CNTN5: variants seen among roughly 807,000 people sequenced by gnomAD.
CNTN5 encodes the protein contactin 5.
CNTN5 carries 77 observed loss-of-function variants against 129.1 expected under a neutral mutation model. That is an observed-to-expected ratio of 0.60 (90% confidence interval 0.50 to 0.72). The LOEUF (loss-of-function observed/expected upper bound fraction) is 0.72, where lower values mean the gene tolerates loss of function less well. Ranked by LOEUF, CNTN5 falls within the 30% of genes least tolerant of loss-of-function variation. The pLI is 0.00. For synonymous variants in CNTN5, 509 were observed against 465.6 expected, an observed-to-expected ratio of 1.09 and a Z score of -1.20; for missense variants, 1,478 against 1,328.8, an observed-to-expected ratio of 1.11 and a Z score of -1.75.
chr11:100,280,712 G>A (rs1301162855), intron 18 of CNTN5, among the ~76,000 whole-genome samples: 1 of 151,994 alleles, frequency 6.6e-6, no homozygotes, highest in Non-Finnish European at 1.5e-5. Context: ...ACTTACTCCT[G>A]CCATTTTATT....
chr11:100,038,061 G>C (rs1398169203), intron 9 of CNTN5, among the ~76,000 whole-genome samples: 1 of 139,852 alleles, frequency 7.2e-6, no homozygotes, highest in African/African-American at 2.8e-5. Flanking sequence ...TGTGATGTTA[G>C]GGTGTCAATT....
chr11:99,578,272 A>G (rs2135599189), intron 3 of CNTN5, among the ~76,000 whole-genome samples: 1 of 152,092 alleles, frequency 6.6e-6, no homozygotes, highest in Non-Finnish European at 1.5e-5. Flanking sequence ...TATTGTGACT[A>G]GTGCCACAAT....
chr11:100,154,031 A>G (rs1473210096), intron 13 of CNTN5, among the ~76,000 whole-genome samples: 2 of 151,978 alleles, frequency 1.3e-5, no homozygotes, highest in Non-Finnish European at 2.9e-5. Context: ...ATTACACTGT[A>G]AGTTCTGGGG....
chr11:100,220,831 G>GT (rs1231943057), intron 15 of CNTN5, among the ~76,000 whole-genome samples: 1 of 152,134 alleles, frequency 6.6e-6, no homozygotes, highest in South Asian at 2.1e-4. Flanking sequence ...CTCTTGAGGT[G>GT]TTTTTTCCAC....
intron 4 of CNTN5, among the ~76,000 whole-genome samples, chr11:99,824,097 A>G (rs910354899): frequency 6.6e-6 from 1 of 152,006 alleles, no homozygotes; most frequent in Admixed American, 6.6e-5. Context: ...TTTTAATTTT[A>G]CATTGTTACA....
chr11:99,169,372 A>ATGTGTGTGTG lies in CNTN5; in HGVS notation c.-210+148114_-210+148123dup, dbSNP rs71046671. 1.5e-3 allele frequency among the ~76,000 whole-genome samples: 231 copies of ATGTGTGTGTG among 151,114 alleles called. 1 individual carries two copies. The highest frequency in any genetic ancestry group is 4.8e-3 in the African/African-American group (199 of 41,164). ...AGCATGTAGATATGCAATAAGCTATATGTGTGTGTGTGTGTGTGTGTATTT... is the reference window on the plus strand; with the variant it reads ...AGCATGTAGATATGCAATAAGCTATATGTGTGTGTGTGTGTGTGTGTGTGTGTGTGTATTT... On this transcript the variant is annotated intron_variant, in intron 1 of 24. Coordinates refer to ENST00000524871, the MANE Select transcript of CNTN5 (RefSeq NM_014361.4).
intron 3 of CNTN5, among the ~76,000 whole-genome samples, chr11:99,557,788 T>A (rs550627163): frequency 3.3e-5 from 5 of 151,822 alleles, no homozygotes; most frequent in African/African-American, 7.2e-5. Flanking sequence ...CTAAAAGAAT[T>A]TCTTTATATA....
chr11:99,725,466 G>A (rs1033792249), intron 3 of CNTN5, among the ~76,000 whole-genome samples: 12 of 151,310 alleles, frequency 7.9e-5, no homozygotes, highest in South Asian at 2.1e-4. Flanking sequence ...TGCATTGTAG[G>A]CAAAGTTTTG....
chr11:100,321,211 CTTCT>C (rs1951686719), intron 21 of CNTN5, among the ~76,000 whole-genome samples: 1 of 149,668 alleles, frequency 6.7e-6, no homozygotes, highest in Non-Finnish European at 1.5e-5. Context: ...TTATTTATGT[CTTCT>C]TTGATTTTTT....
At chr11:100,128,835 C>T (rs1464813881) in intron 13 of CNTN5, among the ~76,000 whole-genome samples, 1 of 151,920 alleles carries the variant, frequency 6.6e-6, no homozygotes, top group African/African-American at 2.4e-5. Flanking sequence ...CCAACTTCTA[C>T]CTGGCTACCA....
chr11:99,318,750 G>T (rs1865447181), intron 1 of CNTN5, among the ~76,000 whole-genome samples: 2 of 152,058 alleles, frequency 1.3e-5, no homozygotes, highest in South Asian at 4.2e-4. Context: ...GTGGCAGCAG[G>T]GTGGGGAAGA....
chr11:100,101,817 G>A (rs963889176), intron 13 of CNTN5, among the ~76,000 whole-genome samples: 1 of 152,070 alleles, frequency 6.6e-6, no homozygotes, highest in Non-Finnish European at 1.5e-5. Flanking sequence ...ATGTATATGT[G>A]AGAACATGCA....
intron 7 of CNTN5, among the ~76,000 whole-genome samples, chr11:99,947,234 A>AG (rs1312929176): frequency 2.0e-5 from 3 of 151,566 alleles, no homozygotes; most frequent in Admixed American, 6.6e-5. Context: ...AACTCAACTA[A>AG]AAAAAACCCC....
intron 3 of CNTN5, among the ~76,000 whole-genome samples, chr11:99,567,077 C>T (rs1320104543): frequency 1.3e-5 from 2 of 152,108 alleles, no homozygotes; most frequent in African/African-American, 2.4e-5. Context: ...TATCTTTGCA[C>T]TTGGGTAAGT....
intron 3 of CNTN5, among the ~76,000 whole-genome samples, chr11:99,627,610 C>G (rs924475028): frequency 1.3e-5 from 2 of 151,874 alleles, no homozygotes; most frequent in African/African-American, 4.8e-5. Flanking sequence ...ATTTATTATA[C>G]GAGTAAGGAG....
chr11:99,956,607 C>T (rs1403063218), intron 7 of CNTN5, among the ~76,000 whole-genome samples, 199 bp from the exon 8 acceptor site: 1 of 152,154 alleles, frequency 6.6e-6, no homozygotes, highest in East Asian at 1.9e-4. Flanking sequence ...GGTCAGACAT[C>T]GTAAGAAATA....
chr11:99,253,262 C>T lies in CNTN5; in HGVS notation c.-209-72084C>T, dbSNP rs376994929. Among the ~76,000 whole-genome samples the T allele has an allele frequency of 3.1e-3, 469 of 152,158 alleles. 2 individuals are homozygous for T. Among genetic ancestry groups the T allele is most frequent in the African/African-American group, 0.011 (461 of 41,532 alleles). ...CTGCCGTGTAAGAATGACTTCGCCC[C>T]TTATTCACCTCCCACCATGATGTGA... On this transcript the variant is annotated intron_variant, in intron 1 of 24. Transcript: ENST00000524871.
At chr11:99,078,730 C>G (rs1410968097) in intron 1 of CNTN5, among the ~76,000 whole-genome samples, 1 of 151,826 alleles carries the variant, frequency 6.6e-6, no homozygotes, top group East Asian at 1.9e-4. Context: ...TTTGTGGGAG[C>G]TAAAAATTAA....
chr11:99,506,525 G>A (rs1399889557), intron 2 of CNTN5, among the ~76,000 whole-genome samples: 2 of 152,090 alleles, frequency 1.3e-5, no homozygotes, highest in South Asian at 2.1e-4. Flanking sequence ...TTAGGTAGAC[G>A]ATTTGCGCCT....
Sources: allele counts gnomAD v4.1 joint callset (sites outside exome capture counted in the v4.1 genomes callset), GRCh38; gene constraint gnomAD v4.1.1; transcripts MANE v1.5; gene names NCBI Gene and HGNC (gene_info 2026-07-23, HGNC 2026-07-21).